The following EXOSC7 variants were observed in gnomAD, a reference collection of about 807,000 sequenced individuals.
EXOSC7 encodes exosome component 7, also known as exosome complex component RRP42.
In EXOSC7, 25 loss-of-function variants were observed where a neutral mutation model predicts 34.3. The observed-to-expected ratio is 0.73, with a 90% CI of 0.53 to 1.02. The LOEUF (loss-of-function observed/expected upper bound fraction) is 1.02, where lower values mean the gene tolerates loss of function less well. Ranked by LOEUF, EXOSC7 falls within the 50% of genes least tolerant of loss-of-function variation. EXOSC7 has a pLI of 0.00. For synonymous variants in EXOSC7, 130 were observed against 143.0 expected (o/e 0.91, Z 0.65); for missense variants, 370 against 368.5 (o/e 1.00, Z -0.03).
At chr3:45,006,446 G>A (rs1437850498) in intron 6 of EXOSC7, among the ~76,000 whole-genome samples, 2 of 108,970 alleles carry the variant, frequency 1.8e-5, no homozygotes, top group African/African-American at 7.1e-5. Flanking sequence ...GTCTCGCTCT[G>A]TCGCCCAGGC....
intron 1 of EXOSC7, among the ~76,000 whole-genome samples, chr3:44,979,417 A>C (rs1337104096): frequency 1.3e-5 from 2 of 152,148 alleles, no homozygotes; most frequent in Non-Finnish European, 2.9e-5. Flanking sequence ...TTCTTTTACT[A>C]TTTCAGGGAA....
At chr3:44,984,959 C>T (rs1706367826) in intron 1 of EXOSC7, among the ~76,000 whole-genome samples, 1 of 152,202 alleles carries the variant, frequency 6.6e-6, no homozygotes, top group African/African-American at 2.4e-5. Flanking sequence ...TGTCCTAAGT[C>T]AAGTGGCTAG....
intron 1 of EXOSC7, among the ~76,000 whole-genome samples, chr3:44,976,827 T>C (rs1252597651): frequency 6.6e-6 from 1 of 152,230 alleles, no homozygotes; most frequent in African/African-American, 2.4e-5. Context: ...AGGACGCCTG[T>C]AATCCCAGCA....
chr3:44,992,054 A>T (rs975846147), intron 3 of EXOSC7, among the ~76,000 whole-genome samples: 3 of 152,136 alleles, frequency 2.0e-5, no homozygotes, highest in African/African-American at 7.2e-5. Context: ...CAAGGAGCAT[A>T]ATTATTTTAA....
At chr3:45,011,741 G>C (rs566348243), downstream of EXOSC7, among the ~76,000 whole-genome samples, 1 of 152,298 alleles carries the variant, frequency 6.6e-6, no homozygotes, top group Non-Finnish European at 1.5e-5. Context: ...GTGGTTCTGG[G>C]AGAGGAAAAA....
At chr3:45,007,356 C>T in intron 6 of EXOSC7, 64 bp from the exon 7 acceptor site, 1 of 1,566,842 alleles carries the variant, frequency 6.4e-7, no homozygotes, top group Non-Finnish European at 8.7e-7. Context: ...CACCACGAGG[C>T]CATCAGGGGT....
intron 3 of EXOSC7, among the ~76,000 whole-genome samples, chr3:44,992,638 G>C (rs1017595516): frequency 6.6e-6 from 1 of 152,144 alleles, no homozygotes; most frequent in African/African-American, 2.4e-5. Flanking sequence ...TCATGTCTTT[G>C]GTTTGCTGGT....
At chr3:45,010,335 A>C (rs7619704) in intron 7 of EXOSC7, among the ~76,000 whole-genome samples, 89,700 of 151,934 alleles carry the variant, frequency 0.59, 27,352 homozygotes, top group East Asian at 0.89. Flanking sequence ...GCAGCCGTGA[A>C]CTCCTGGGCT....
chr3:44,985,829 CT>C (rs1706394801), intron 1 of EXOSC7, among the ~76,000 whole-genome samples: 2 of 152,136 alleles, frequency 1.3e-5, no homozygotes, highest in Non-Finnish European at 2.9e-5. Context: ...GCCGAGTGGT[CT>C]GTTAGACAGG....
At position 44,989,180 on chromosome 3, in the gene EXOSC7, GA is replaced by G; in HGVS notation, c.99del (p.Cys34ValfsTer29). On this transcript the variant is annotated frameshift_variant, in exon 2 of 8. Transcript: ENST00000265564. LOFTEE classifies it high-confidence loss of function. ...GATGGCCGTGGCTGTGAGGACTACC[GA>G]TGTGTCGAAGTGGAAACTGATGTGG... Reference protein sequence around the residue: ...RVDGRGCEDYRCVEVETDVVS... With the variant: ...RVDGRGCEDYXCVEVETDVVS... The G allele has an allele frequency of 6.2e-7, 1 of 1,614,130 alleles. No individual in the cohort carries two copies. Among genetic ancestry groups the G allele is most frequent in the South Asian group, 1.1e-5 (1 of 91,070 alleles).
intron 6 of EXOSC7, among the ~76,000 whole-genome samples, chr3:45,005,755 G>A (rs1707019134): frequency 1.3e-5 from 2 of 152,178 alleles, no homozygotes; most frequent in Admixed American, 1.3e-4. Flanking sequence ...GGGTGGTTGA[G>A]TAGTGGCAGG....
intron 5 of EXOSC7, among the ~76,000 whole-genome samples, chr3:45,002,834 T>C (rs1045978652): frequency 1.3e-5 from 2 of 152,160 alleles, no homozygotes; most frequent in African/African-American, 4.8e-5. Context: ...TTGAGACTAT[T>C]TGAAATGTGA....
At chr3:44,995,047 C>T (rs112446948) in intron 3 of EXOSC7, among the ~76,000 whole-genome samples, 9,365 of 152,062 alleles carry the variant, frequency 0.062, 483 homozygotes, top group African/African-American at 0.14. Flanking sequence ...TGCAGTGGTG[C>T]GATCTCAGCT....
intron 3 of EXOSC7, among the ~76,000 whole-genome samples, chr3:44,991,704 T>C (rs6796142): frequency 0.6 from 91,414 of 151,974 alleles, 28,278 homozygotes; most frequent in East Asian, 0.89. Flanking sequence ...GTGAGAGGAT[T>C]CTTTGAGTTG....
rs1706517974 is a variant in EXOSC7 at position 44,989,652 on chromosome 3, C to T, written c.254+8C>T. ...GGAGTTCTTTGTTGACTGGTCAGTA[C>T]TGTCTATGCAGATATTTCTAAAGAT... On this transcript the variant is annotated splice_region_variant and intron_variant, in intron 3 of 7. Coordinates refer to ENST00000265564, the MANE Select transcript of EXOSC7 (RefSeq NM_015004.4). 2 of 1,575,992 alleles carry T rather than the reference C, an allele frequency of 1.3e-6. No homozygotes were observed. The highest frequency in any genetic ancestry group is 1.3e-5 in the African/African-American group (1 of 74,094).
chr3:44,977,967 A>G (rs2125959394), intron 1 of EXOSC7, among the ~76,000 whole-genome samples: 1 of 152,364 alleles, frequency 6.6e-6, no homozygotes, highest in Admixed American at 6.5e-5. Flanking sequence ...CACCATGGTC[A>G]TTAGTTAATT....
chr3:44,993,944 G>C (rs1363375410), intron 3 of EXOSC7, among the ~76,000 whole-genome samples: 1 of 152,086 alleles, frequency 6.6e-6, no homozygotes, highest in Non-Finnish European at 1.5e-5. Flanking sequence ...ATTTCCCTGA[G>C]GCAAAAGGTA....
intron 2 of EXOSC7, 115 bp downstream of exon 2, chr3:44,989,356 A>G (rs1377737137): frequency 5.4e-6 from 5 of 918,250 alleles, no homozygotes; most frequent in Non-Finnish European, 8.5e-6. Flanking sequence ...GAAATCGAAG[A>G]TCCGAGCCAA....
At chr3:45,001,842 A>G in intron 5 of EXOSC7, 1 of 440,810 alleles carries the variant, frequency 2.3e-6, no homozygotes, top group Admixed American at 3.9e-5. Context: ...TTATAAATAG[A>G]CACCTACCAT....
Sources: allele counts gnomAD v4.1 joint callset (sites outside exome capture counted in the v4.1 genomes callset), GRCh38; gene constraint gnomAD v4.1.1; transcripts MANE v1.5; gene names NCBI Gene and HGNC (gene_info 2026-07-23, HGNC 2026-07-21).